The following EML4 variants were observed in gnomAD, a reference collection of about 807,000 sequenced individuals.
EML4 encodes the protein EMAP like 4.
A neutral mutation model predicts 129.0 loss-of-function variants in EML4; 72 were observed. The observed-to-expected ratio is 0.56, with a 90% CI of 0.46 to 0.68. The LOEUF is 0.68. Ranked by LOEUF, EML4 falls within the 30% of genes least tolerant of loss-of-function variation. EML4 has a pLI of 0.00. For missense variants in EML4, 1,363 were observed against 1,190.6 expected, an observed-to-expected ratio of 1.14 and a Z score of -2.13; for synonymous variants, 532 against 405.0, an observed-to-expected ratio of 1.31 and a Z score of -3.77.
At chr2:42,211,214 T>G (rs995544997) in intron 1 of EML4, among the ~76,000 whole-genome samples, 1 of 152,168 alleles carries the variant, frequency 6.6e-6, no homozygotes, top group African/African-American at 2.4e-5. Flanking sequence ...AGTTGGACTT[T>G]GTTAAGTCTG....
intron 6 of EML4, among the ~76,000 whole-genome samples, chr2:42,272,754 C>T (rs559015071): frequency 3.9e-5 from 6 of 152,148 alleles, no homozygotes; most frequent in East Asian, 3.9e-4. Flanking sequence ...ACAATAAATA[C>T]GTATAAGATT....
At chr2:42,315,351 C>T (rs1384042712) in intron 17 of EML4, among the ~76,000 whole-genome samples, 1 of 152,174 alleles carries the variant, frequency 6.6e-6, no homozygotes, top group African/African-American at 2.4e-5. Flanking sequence ...AACTTAGTGT[C>T]TTCTTCAAGA....
chr2:42,277,564 C>T (rs1408382457), intron 6 of EML4, among the ~76,000 whole-genome samples: 1 of 148,196 alleles, frequency 6.7e-6, no homozygotes, highest in Non-Finnish European at 1.5e-5. Context: ...CCATAACAAG[C>T]ACAACCTTTT....
chr2:42,222,448 A>G (rs374855736), intron 1 of EML4, among the ~76,000 whole-genome samples: 3 of 152,318 alleles, frequency 2.0e-5, no homozygotes, highest in African/African-American at 7.2e-5. Flanking sequence ...GTGTCCATAA[A>G]TAAAGCTTTA....
chr2:42,169,881 C>T (rs958160853), intron 1 of EML4: 144 of 418,208 alleles, frequency 3.4e-4, no homozygotes, highest in Middle Eastern at 4.6e-4. Context: ...GCGGGGCCCT[C>T]GTTCCCCCAA....
At chr2:42,286,150 G>C (rs541843067) in intron 9 of EML4, 119 bp from the exon 10 acceptor site, 13 of 721,102 alleles carry the variant, frequency 1.8e-5, no homozygotes, top group African/African-American at 1.7e-4. Context: ...TCTAAATCTA[G>C]TAATTTATTA....
At chr2:42,252,747 C>T (rs1038745808) in intron 2 of EML4, among the ~76,000 whole-genome samples, 3 of 152,050 alleles carry the variant, frequency 2.0e-5, no homozygotes, top group African/African-American at 7.2e-5. Flanking sequence ...GTCTTATCAC[C>T]GCCCTTTCAG....
Position 42,315,954 on chromosome 2 carries a change from C to T in EML4, c.1968-8C>T. Reference sequence around the variant, plus strand: ...CTGAAGAAAATTTTGATTTTTACTTCTTAACAGGTGGTTTGTTCTGGATGC... The same window carrying T: ...CTGAAGAAAATTTTGATTTTTACTTTTTAACAGGTGGTTTGTTCTGGATGC... On this transcript the variant is annotated splice_polypyrimidine_tract_variant and splice_region_variant and intron_variant, in intron 17 of 22. Coordinates refer to ENST00000318522, the MANE Select transcript of EML4 (RefSeq NM_019063.5). 1.2e-6 allele frequency: 2 copies of T among 1,600,448 alleles called. No homozygotes were observed. Among genetic ancestry groups the T allele is most frequent in the African/African-American group, 1.3e-5 (1 of 74,368 alleles).
At chr2:42,247,412 T>G (rs1486000703) in intron 2 of EML4, among the ~76,000 whole-genome samples, 1 of 152,120 alleles carries the variant, frequency 6.6e-6, no homozygotes, top group Non-Finnish European at 1.5e-5. Flanking sequence ...GGCGGGATAC[T>G]TATTGTGGAG....
chr2:42,200,006 T>C (rs1672123459), intron 1 of EML4, among the ~76,000 whole-genome samples: 1 of 152,048 alleles, frequency 6.6e-6, no homozygotes, highest in Non-Finnish European at 1.5e-5. Flanking sequence ...ATAAGGTTGC[T>C]GAGATTTAGA....
chr2:42,304,917 G>A (rs1189478315), intron 17 of EML4, among the ~76,000 whole-genome samples: 6 of 152,094 alleles, frequency 3.9e-5, no homozygotes, highest in Admixed American at 2.0e-4. Flanking sequence ...TCAGGAGTTC[G>A]AAACCAGCCT....
At chr2:42,278,432 G>C (rs1206065785) in intron 6 of EML4, among the ~76,000 whole-genome samples, 1 of 152,092 alleles carries the variant, frequency 6.6e-6, no homozygotes, top group Non-Finnish European at 1.5e-5. Context: ...AAATGAGCCA[G>C]TTGTGATGGT....
At chr2:42,315,733 T>G (rs1010642708) in intron 17 of EML4, among the ~76,000 whole-genome samples, 7 of 151,978 alleles carry the variant, frequency 4.6e-5, no homozygotes, top group Non-Finnish European at 7.4e-5. Flanking sequence ...AATTAAAAAT[T>G]AGCCAGGCAC....
intron 3 of EML4, among the ~76,000 whole-genome samples, chr2:42,259,722 C>CTTTTTTTTT (rs780243101): frequency 5.0e-4 from 49 of 98,342 alleles, no homozygotes; most frequent in South Asian, 8.0e-4. Context: ...TTCTTTCTTT[C>CTTTTTTTTT]TTTTTTTTTT....
intron 1 of EML4, among the ~76,000 whole-genome samples, chr2:42,188,136 A>C (rs1202061936): frequency 6.6e-6 from 1 of 152,198 alleles, no homozygotes; most frequent in Non-Finnish European, 1.5e-5. Context: ...AAATCAACAG[A>C]CCACATATGT....
intron 1 of EML4, among the ~76,000 whole-genome samples, chr2:42,190,448 C>G (rs1235932956): frequency 6.6e-6 from 1 of 152,088 alleles, no homozygotes; most frequent in African/African-American, 2.4e-5. Flanking sequence ...CGAAGAAAAC[C>G]AATGAATCAC....
At chr2:42,185,996 C>T (rs1671229445) in intron 1 of EML4, among the ~76,000 whole-genome samples, 2 of 152,074 alleles carry the variant, frequency 1.3e-5, no homozygotes, top group African/African-American at 4.8e-5. Context: ...TTTAAGTGTT[C>T]ATAGTAACTC....
chr2:42,229,348 T>C (rs988344140), intron 1 of EML4, among the ~76,000 whole-genome samples: 8 of 152,200 alleles, frequency 5.3e-5, no homozygotes, highest in Non-Finnish European at 1.2e-4. Flanking sequence ...CCTGGGTATA[T>C]AGTTACTAAA....
chr2:42,327,344 C>T (rs948416632), intron 21 of EML4, among the ~76,000 whole-genome samples: 1 of 152,174 alleles, frequency 6.6e-6, no homozygotes, highest in African/African-American at 2.4e-5. Context: ...GTTTTCATTT[C>T]TCTTGGGTAT....
Sources: allele counts gnomAD v4.1 joint callset (sites outside exome capture counted in the v4.1 genomes callset), GRCh38; gene constraint gnomAD v4.1.1; transcripts MANE v1.5; gene names NCBI Gene and HGNC (gene_info 2026-07-23, HGNC 2026-07-21).